The following KCNH1 variants were observed in gnomAD, a reference collection of about 807,000 sequenced individuals.
KCNH1 encodes the protein voltage-gated delayed rectifier potassium channel KCNH1.
A neutral mutation model predicts 69.2 loss-of-function variants in KCNH1; 27 were observed. That is an observed-to-expected ratio of 0.39 (90% CI 0.29 to 0.54). The LOEUF (loss-of-function observed/expected upper bound fraction) is 0.54, where lower values mean the gene tolerates loss of function less well. Ranked by LOEUF, KCNH1 falls within the 20% of genes least tolerant of loss-of-function variation. The pLI is 0.68. For synonymous variants in KCNH1, 456 were observed against 487.7 expected (o/e 0.93, Z 0.86); for missense variants, 798 against 1,261.6 (o/e 0.63, Z 5.57).
intron 5 of KCNH1, among the ~76,000 whole-genome samples, chr1:211,039,572 G>A (rs1689954105): frequency 6.6e-6 from 1 of 152,200 alleles, no homozygotes; most frequent in Non-Finnish European, 1.5e-5. Context: ...CAAAGTCACA[G>A]GGGCGGAGCT....
At position 210,919,024 on chromosome 1, in the gene KCNH1, CAT is replaced by C. The variant is rs1687404846; in HGVS notation, c.1462+614_1462+615del. The C allele has an allele frequency of 6.1e-5, 3 of 49,004 alleles. No individual in the cohort carries two copies. The highest frequency in any genetic ancestry group is 1.1e-4 in the African/African-American group (1 of 9,480). 3.0% of individuals were successfully genotyped at this position (49,004 alleles called of 1,614,324 possible). A position where few individuals can be genotyped will look rare whatever the true frequency, so the allele number is the denominator to read the frequency against. On this transcript the variant is annotated intron_variant, in intron 7 of 10. Transcript: ENST00000271751. The surrounding 1 kb of genome is among the most constrained non-coding windows in gnomAD (Gnocchi z 4.2). Reference sequence around the variant, plus strand: ...CAAGCTACAGCTATGTTCAAATTGACATGTAGGACATGTAGCATGACGGCTAT... The same window carrying C: ...CAAGCTACAGCTATGTTCAAATTGACGTAGGACATGTAGCATGACGGCTAT...
intron 10 of KCNH1, among the ~76,000 whole-genome samples, chr1:210,762,859 C>T (rs746284087): frequency 7.2e-5 from 11 of 151,992 alleles, no homozygotes; most frequent in Admixed American, 2.0e-4. Context: ...GGGACTCCTC[C>T]TTAACTCATT....
chr1:210,890,041 T>C (rs1686710909), intron 7 of KCNH1, among the ~76,000 whole-genome samples: 2 of 152,124 alleles, frequency 1.3e-5, no homozygotes, highest in Non-Finnish European at 1.5e-5. Context: ...TAGAAAAAAC[T>C]ACTTTAAATT....
chr1:211,085,565 C>T (rs1335321955), intron 4 of KCNH1, among the ~76,000 whole-genome samples: 1 of 151,518 alleles, frequency 6.6e-6, no homozygotes, highest in East Asian at 1.9e-4. Context: ...AATGCTGTGG[C>T]CTGGGCCAGG....
chr1:211,060,031 A>G (rs913387688), intron 5 of KCNH1, among the ~76,000 whole-genome samples: 2 of 152,214 alleles, frequency 1.3e-5, no homozygotes, highest in African/African-American at 4.8e-5. Context: ...TATATCAAGT[A>G]TCTTCTCTGA....
intron 7 of KCNH1, among the ~76,000 whole-genome samples, chr1:210,818,611 C>T (rs1684865808): frequency 6.6e-6 from 1 of 152,068 alleles, no homozygotes; most frequent in Admixed American, 6.6e-5. Flanking sequence ...TAAAGTGCCC[C>T]ATGTAGTATG....
At chr1:210,925,846 C>A (rs1687560657) in intron 6 of KCNH1, among the ~76,000 whole-genome samples, 1 of 152,218 alleles carries the variant, frequency 6.6e-6, no homozygotes, top group South Asian at 2.1e-4. Flanking sequence ...CTGCCCACCA[C>A]CTGAGAAACC....
chr1:211,041,765 G>GT (rs1166786035), intron 5 of KCNH1, among the ~76,000 whole-genome samples: 2 of 151,918 alleles, frequency 1.3e-5, no homozygotes, highest in Non-Finnish European at 2.9e-5. Flanking sequence ...TTTTGTTGTT[G>GT]TTTTTTTGAG....
At chr1:211,081,131 A>G (rs1367075633) in intron 5 of KCNH1, among the ~76,000 whole-genome samples, 2 of 152,216 alleles carry the variant, frequency 1.3e-5, no homozygotes, top group Non-Finnish European at 2.9e-5. Context: ...GAAAAAAACA[A>G]ACAACCCCAT....
At chr1:211,130,803 A>T (rs543467866) in intron 1 of KCNH1, among the ~76,000 whole-genome samples, 1 of 152,298 alleles carries the variant, frequency 6.6e-6, no homozygotes, top group South Asian at 2.1e-4. Context: ...GGGCACACAG[A>T]TGTTAAGTGC....
chr1:210,848,450 G>A (rs781111420), intron 7 of KCNH1, among the ~76,000 whole-genome samples: 2 of 152,128 alleles, frequency 1.3e-5, no homozygotes, highest in South Asian at 2.1e-4. Flanking sequence ...AACAATCTAC[G>A]TTCTAGATCA....
intron 6 of KCNH1, among the ~76,000 whole-genome samples, chr1:211,007,932 A>AC (rs11440382): frequency 0.71 from 108,003 of 152,052 alleles, 39,305 homozygotes; most frequent in African/African-American, 0.87. Flanking sequence ...AAAAAAGGGA[A>AC]CCTTGAGCAC....
intron 7 of KCNH1, among the ~76,000 whole-genome samples, chr1:210,870,857 A>G (rs1199035328): frequency 6.6e-6 from 1 of 152,160 alleles, no homozygotes; most frequent in African/African-American, 2.4e-5. Context: ...TTAAGGGTAC[A>G]TTATCTTCAC....
intron 1 of KCNH1, among the ~76,000 whole-genome samples, chr1:211,108,942 ACTTAG>A (rs1418951225): frequency 1.3e-5 from 2 of 152,176 alleles, no homozygotes; most frequent in Non-Finnish European, 2.9e-5. Context: ...CACTCAAGGA[ACTTAG>A]CAAGACAAAT....
chr1:210,726,203 C>G (rs1336986081), intron 10 of KCNH1, among the ~76,000 whole-genome samples: 1 of 152,134 alleles, frequency 6.6e-6, no homozygotes, highest in Non-Finnish European at 1.5e-5. Context: ...ATCCTGGTAT[C>G]AGCTCCTGAC....
chr1:211,021,858 C>T (rs1185442527), intron 5 of KCNH1, among the ~76,000 whole-genome samples: 1 of 152,018 alleles, frequency 6.6e-6, no homozygotes, highest in Non-Finnish European at 1.5e-5. Flanking sequence ...GAAAAGTATT[C>T]ATGGATTAGG....
Position 210,738,552 on chromosome 1 carries a change from C to CTTTTTTTTT in KCNH1, c.2112+36787_2112+36795dup, listed in dbSNP as rs57669878. 7.7e-3 allele frequency among the ~76,000 whole-genome samples: 380 copies of CTTTTTTTTT among 49,154 alleles called. 54 individuals carry two copies. The highest frequency in any genetic ancestry group is 0.05 in the Middle Eastern group (2 of 40). 32.2% of individuals were successfully genotyped at this position (49,154 alleles called of 152,430 possible). A position where few individuals can be genotyped will look rare whatever the true frequency, so the allele number is the denominator to read the frequency against. ...CTGTATTCCTGGCTTGGCTTTTTTG[C>CTTTTTTTTT]TTTTTTTTTTTTTTTTTTTTTTTTT... On this transcript the variant is annotated intron_variant, in intron 10 of 10. Transcript: ENST00000271751.
intron 10 of KCNH1, among the ~76,000 whole-genome samples, chr1:210,774,815 A>T (rs1210138593): frequency 6.6e-6 from 1 of 152,200 alleles, no homozygotes; most frequent in Non-Finnish European, 1.5e-5. Context: ...CAACCAGTTT[A>T]GTTGGGAGTT....
At chr1:210,808,477 A>G (rs779294568) in intron 7 of KCNH1, among the ~76,000 whole-genome samples, 2 of 152,176 alleles carry the variant, frequency 1.3e-5, no homozygotes, top group Non-Finnish European at 2.9e-5. Context: ...CCCTTGCTCA[A>G]TTACAATTAC....
Sources: gnomAD v4.1 joint callset for allele counts (sites outside exome capture counted in the v4.1 genomes callset) on GRCh38, gnomAD v4.1.1 for gene constraint, Gnocchi (gnomAD v3.1) non-coding constraint, MANE v1.5 for transcripts, NCBI Gene and HGNC (gene_info 2026-07-23, HGNC 2026-07-21) for gene names.